SNTG2: variants seen among roughly 807,000 people sequenced by gnomAD.
SNTG2 encodes the protein gamma-2-syntrophin.
SNTG2 carries 74 observed loss-of-function variants against 70.9 expected under a neutral mutation model. The ratio of observed to expected loss-of-function variants is 1.04; its 90% confidence interval spans 0.86 to 1.27. SNTG2 has a LOEUF of 1.27. Among genes scored for constraint, SNTG2 ranks in the 50% most tolerant of loss-of-function variants. SNTG2 has a pLI of 0.00. For missense variants in SNTG2, 717 were observed against 690.7 expected (o/e 1.04, Z -0.43); for synonymous variants, 278 against 273.8 (o/e 1.02, Z -0.15).
chr2:1,191,946 G>A (rs1672621452), intron 8 of SNTG2, among the ~76,000 whole-genome samples: 1 of 151,952 alleles, frequency 6.6e-6, no homozygotes, highest in Admixed American at 6.6e-5. Context: ...TTAAAATGTA[G>A]CTGATAGAAA....
chr2:1,340,158 C>A (rs981871297), intron 16 of SNTG2, among the ~76,000 whole-genome samples: 5 of 152,232 alleles, frequency 3.3e-5, no homozygotes, highest in African/African-American at 1.2e-4. Flanking sequence ...TAAAGCAAAT[C>A]CTCACATCTG....
chr2:1,164,355 C>G (rs1347871856), intron 6 of SNTG2, among the ~76,000 whole-genome samples: 3 of 101,310 alleles, frequency 3.0e-5, no homozygotes, highest in Admixed American at 9.6e-5. Flanking sequence ...GGAACCTGCC[C>G]AAACTGTGGG....
At chr2:1,136,478 A>G (rs948505913) in intron 4 of SNTG2, among the ~76,000 whole-genome samples, 1 of 152,160 alleles carries the variant, frequency 6.6e-6, no homozygotes, top group Admixed American at 6.5e-5. Flanking sequence ...GGATCGCTTA[A>G]CATCAGTACC....
chr2:1,057,962 G>A (rs898024263), intron 1 of SNTG2, among the ~76,000 whole-genome samples: 4 of 152,142 alleles, frequency 2.6e-5, no homozygotes, highest in African/African-American at 9.7e-5. Context: ...CAGGGGTTGA[G>A]GCTGCAGTGA....
chr2:1,339,900 A>G (rs1045659656), intron 16 of SNTG2, among the ~76,000 whole-genome samples: 5 of 152,210 alleles, frequency 3.3e-5, no homozygotes, highest in African/African-American at 1.2e-4. Flanking sequence ...TGGCTGCTGC[A>G]GCACTCCCGG....
At chr2:1,084,935 A>ACCTCCCAC (rs1664582307) in intron 2 of SNTG2, among the ~76,000 whole-genome samples, 1 of 152,162 alleles carries the variant, frequency 6.6e-6, no homozygotes, top group African/African-American at 2.4e-5. Flanking sequence ...CCCACAGCCC[A>ACCTCCCAC]CACCCCGGCA....
At chr2:1,290,615 A>G (rs991104940) in intron 14 of SNTG2, among the ~76,000 whole-genome samples, 1 of 152,136 alleles carries the variant, frequency 6.6e-6, no homozygotes, top group Non-Finnish European at 1.5e-5. Flanking sequence ...CACCCAGCTG[A>G]GAAGTACTGC....
At chr2:1,173,655 G>A (rs1211660097) in intron 8 of SNTG2, among the ~76,000 whole-genome samples, 1 of 152,252 alleles carries the variant, frequency 6.6e-6, no homozygotes, top group Non-Finnish European at 1.5e-5. Context: ...AGCTCCCTGG[G>A]ACATGGGGCT....
chr2:964,370 G>T (rs1660458208), intron 1 of SNTG2, among the ~76,000 whole-genome samples: 1 of 152,172 alleles, frequency 6.6e-6, no homozygotes, highest in African/African-American at 2.4e-5. Flanking sequence ...TCGTGCCAGG[G>T]TTACTGATTT....
At chr2:1,022,050 C>G (rs11681200) in intron 1 of SNTG2, among the ~76,000 whole-genome samples, 23 of 149,218 alleles carry the variant, frequency 1.5e-4, no homozygotes. Flanking sequence ...ACTAGTTACA[C>G]GTGAACTAGT....
chr2:1,151,323 C>T (rs1558460329), intron 6 of SNTG2, among the ~76,000 whole-genome samples: 1 of 152,194 alleles, frequency 6.6e-6, no homozygotes, highest in African/African-American at 2.4e-5. Context: ...CGGGGGGTGT[C>T]CCACTCCTGT....
chr2:1,232,200 C>T (rs1225290389), intron 9 of SNTG2, among the ~76,000 whole-genome samples: 1 of 152,166 alleles, frequency 6.6e-6, no homozygotes, highest in Non-Finnish European at 1.5e-5. Context: ...TGAGGAGGTG[C>T]CCTGTGAGAC....
At chr2:1,006,286 A>G (rs1272760393) in intron 1 of SNTG2, among the ~76,000 whole-genome samples, 2 of 151,930 alleles carry the variant, frequency 1.3e-5, no homozygotes, top group Non-Finnish European at 2.9e-5. Flanking sequence ...CAATGTGCAC[A>G]TGTACCTTAA....
intron 8 of SNTG2, among the ~76,000 whole-genome samples, chr2:1,181,378 C>G (rs1056070746): frequency 6.6e-6 from 1 of 152,124 alleles, no homozygotes; most frequent in Non-Finnish European, 1.5e-5. Context: ...TGGAAACTTT[C>G]TAGACTCAAA....
Position 1,209,294 on chromosome 2 carries a change from C to T in SNTG2, c.719+64C>T, listed in dbSNP as rs528385048. On this transcript the variant is annotated intron_variant, in intron 9 of 16. Coordinates refer to ENST00000308624, the MANE Select transcript of SNTG2 (RefSeq NM_018968.4). The stretch of plus-strand genomic sequence containing the variant: ...CCCCGTGCACTTTTGCCAGTTCCTA[C>T]AGGCCGCTGGTTACTCCAGAGCGCT... 75 of 1,602,842 alleles carry T rather than the reference C, an allele frequency of 4.7e-5. No homozygotes were observed. In the African/African-American group the frequency reaches 9.6e-4, roughly 21 times the overall value.
intron 9 of SNTG2, among the ~76,000 whole-genome samples, chr2:1,228,803 G>A (rs1675980969): frequency 1.3e-5 from 2 of 152,192 alleles, no homozygotes; most frequent in South Asian, 4.1e-4. Context: ...GGACCCTCGC[G>A]GTGAGTGTTA....
At chr2:1,201,284 A>G (rs188183872) in intron 8 of SNTG2, among the ~76,000 whole-genome samples, 1 of 152,132 alleles carries the variant, frequency 6.6e-6, no homozygotes, top group African/African-American at 2.4e-5. Flanking sequence ...TAAGTGAAAT[A>G]ACCCAGGCAC....
rs183057609 is a variant in SNTG2 at position 1,065,537 on chromosome 2, A to G, written c.73-17981A>G. Among the ~76,000 whole-genome samples, 14 of 152,304 alleles carry G rather than the reference A, an allele frequency of 9.2e-5. No individual in the cohort carries two copies. In the East Asian group the frequency reaches 2.7e-3, roughly 29 times the overall value. On this transcript the variant is annotated intron_variant, in intron 1 of 16. Transcript: ENST00000308624. ...TTACTGCTTATTTTATGAAGCACGC[A>G]TTGTATTATGAGATGATGTTTGTTA... is the stretch of plus-strand genomic sequence containing the variant.
At chr2:1,156,621 A>T (rs1260904317) in intron 6 of SNTG2, among the ~76,000 whole-genome samples, 2 of 152,070 alleles carry the variant, frequency 1.3e-5, no homozygotes, top group Non-Finnish European at 2.9e-5. Flanking sequence ...GCGGGAAGAG[A>T]CCTGGAGTTA....
Sources: allele counts gnomAD v4.1 joint callset (sites outside exome capture counted in the v4.1 genomes callset), GRCh38; gene constraint gnomAD v4.1.1; transcripts MANE v1.5; gene names NCBI Gene and HGNC (gene_info 2026-07-23, HGNC 2026-07-21).